KAZN: variants seen among roughly 807,000 people sequenced by gnomAD.
KAZN encodes kazrin, periplakin interacting protein, also known as kazrin.
KAZN carries 40 observed loss-of-function variants against 87.4 expected under a neutral mutation model. The ratio of observed to expected loss-of-function variants is 0.46; its 90% CI spans 0.36 to 0.60. The LOEUF (loss-of-function observed/expected upper bound fraction) is 0.60, where lower values mean the gene tolerates loss of function less well. KAZN is among the 20% of genes least tolerant of loss of function. The probability of loss-of-function intolerance (pLI) is 0.00; values close to 1 mark genes in which losing one functional copy is unlikely to be tolerated. For synonymous variants in KAZN, 466 were observed against 458.3 expected (o/e 1.02, Z -0.22); for missense variants, 898 against 1,073.9 (o/e 0.84, Z 2.29).
intron 1 of KAZN, among the ~76,000 whole-genome samples, chr1:14,138,619 A>C (rs1645161638): frequency 6.6e-6 from 1 of 152,162 alleles, no homozygotes; most frequent in Admixed American, 6.5e-5. Flanking sequence ...TCTGCTAGGA[A>C]TGCAGAAGTG....
intron 8 of KAZN, among the ~76,000 whole-genome samples, chr1:15,079,036 G>A (rs1214128212): frequency 2.0e-5 from 3 of 152,308 alleles, no homozygotes; most frequent in South Asian, 2.1e-4. Flanking sequence ...GAGGGAGATC[G>A]GAGGTGGGAC....
rs1051751480 is a variant in KAZN at position 14,456,418 on chromosome 1, GT to G, written c.250-142555del. Among the ~76,000 whole-genome samples, 30 of 149,000 alleles carry G rather than the reference GT, an allele frequency of 2.0e-4. 1 individual carries two copies. Among genetic ancestry groups the G allele is most frequent in the East Asian group, 5.9e-4 (3 of 5,094 alleles). On this transcript the variant is annotated intron_variant, in intron 2 of 16. Coordinates refer to the KAZN transcript ENST00000636203. ...TAGATATTCGAAAAATATTTGTTGA[GT>G]TTTTTTTTTATGTTGAAGCTTTTAT... is the stretch of plus-strand genomic sequence containing the variant.
chr1:14,877,185 A>G (rs984323114), intron 1 of KAZN, among the ~76,000 whole-genome samples: 5 of 151,744 alleles, frequency 3.3e-5, no homozygotes, highest in African/African-American at 1.2e-4. Context: ...TCTCACCACC[A>G]ATCTCGTGGC....
chr1:14,707,156 G>A (rs1642254063), intron 1 of KAZN, among the ~76,000 whole-genome samples: 1 of 152,196 alleles, frequency 6.6e-6, no homozygotes, highest in Non-Finnish European at 1.5e-5. Context: ...TGGATTTTCA[G>A]TACAACTGAG....
At chr1:14,838,767 G>A (rs1358448097) in intron 1 of KAZN, among the ~76,000 whole-genome samples, 5 of 152,066 alleles carry the variant, frequency 3.3e-5, no homozygotes, top group Non-Finnish European at 7.4e-5. Context: ...AATTACAGGC[G>A]CTTGCCACCA....
At position 14,806,977 on chromosome 1, in the gene KAZN, A is replaced by T. The variant is rs139296022; in HGVS notation, c.227-153707A>T. Reference sequence around the variant, plus strand: ...TGTCAGGACTCCCTTGCAGCTAGGGATCTGCATGGATCCAGGTTTGGCCAA... The same window carrying T: ...TGTCAGGACTCCCTTGCAGCTAGGGTTCTGCATGGATCCAGGTTTGGCCAA... On this transcript the variant is annotated intron_variant, in intron 1 of 14. Transcript: ENST00000376030. Among the ~76,000 whole-genome samples the T allele has an allele frequency of 3.3e-5, 5 of 152,288 alleles. No homozygotes were observed. The East Asian group carries it at 9.7e-4, about 29-fold the overall frequency.
intron 3 of KAZN, among the ~76,000 whole-genome samples, chr1:15,039,152 C>A (rs12139386): frequency 6.6e-6 from 1 of 152,016 alleles, no homozygotes; most frequent in South Asian, 2.1e-4. Context: ...GTGCACCTAC[C>A]GTGCACAGGC....
chr1:14,667,651 A>G (rs1196378057), intron 1 of KAZN, among the ~76,000 whole-genome samples: 1 of 152,150 alleles, frequency 6.6e-6, no homozygotes, highest in African/African-American at 2.4e-5. Flanking sequence ...TCTGGAACAA[A>G]CAGAGAATTT....
chr1:14,504,854 G>A (rs902924279), intron 2 of KAZN, among the ~76,000 whole-genome samples: 3 of 152,178 alleles, frequency 2.0e-5, no homozygotes, highest in Non-Finnish European at 4.4e-5. Flanking sequence ...AAGGTTTTAA[G>A]TTCTTCTTGT....
At chr1:14,143,007 G>C (rs1335045948) in intron 1 of KAZN, among the ~76,000 whole-genome samples, 1 of 152,044 alleles carries the variant, frequency 6.6e-6, no homozygotes, top group Non-Finnish European at 1.5e-5. Flanking sequence ...ATGAGCCAAA[G>C]TTTGCGGTAA....
intron 2 of KAZN, among the ~76,000 whole-genome samples, chr1:14,242,737 A>G (rs1284035254): frequency 6.6e-6 from 1 of 152,226 alleles, no homozygotes; most frequent in Non-Finnish European, 1.5e-5. Flanking sequence ...TTGCTAGTCC[A>G]CATTTTCCCC....
intron 2 of KAZN, among the ~76,000 whole-genome samples, chr1:14,317,983 T>C (rs547341558): frequency 5.3e-5 from 8 of 152,146 alleles, no homozygotes; most frequent in African/African-American, 1.7e-4. Context: ...TGTACCAATA[T>C]TAGAACCTTA....
intron 1 of KAZN, among the ~76,000 whole-genome samples, chr1:13,931,711 A>G (rs1315009823): frequency 6.6e-6 from 1 of 152,158 alleles, no homozygotes; most frequent in African/African-American, 2.4e-5. Context: ...CCCCTAGTAT[A>G]TTAATGTTAA....
At chr1:14,338,504 A>AG (rs902869689) in intron 2 of KAZN, among the ~76,000 whole-genome samples, 81 of 142,234 alleles carry the variant, frequency 5.7e-4, no homozygotes, top group East Asian at 5.1e-3. Flanking sequence ...AAAAAAAAAA[A>AG]AGAGAGAGAG....
At chr1:14,345,157 A>G (rs768757088) in intron 2 of KAZN, among the ~76,000 whole-genome samples, 1 of 152,082 alleles carries the variant, frequency 6.6e-6, no homozygotes, top group African/African-American at 2.4e-5. Flanking sequence ...ACTCCAGGTG[A>G]TCTGCCTGCC....
At chr1:14,719,640 A>G (rs1642989101) in intron 1 of KAZN, among the ~76,000 whole-genome samples, 1 of 152,216 alleles carries the variant, frequency 6.6e-6, no homozygotes, top group Non-Finnish European at 1.5e-5. Context: ...GGAGTTTGAG[A>G]CTAACCTGGC....
intron 1 of KAZN, among the ~76,000 whole-genome samples, chr1:14,129,192 A>C (rs1644937971): frequency 6.6e-6 from 1 of 152,090 alleles, no homozygotes; most frequent in Admixed American, 6.5e-5. Flanking sequence ...TTCACAGTTG[A>C]ATGGGTCTTT....
At chr1:14,485,620 C>T (rs763053159) in intron 2 of KAZN, among the ~76,000 whole-genome samples, 9 of 152,264 alleles carry the variant, frequency 5.9e-5, no homozygotes, top group Non-Finnish European at 1.0e-4. Flanking sequence ...TCTGGACCTG[C>T]GTGGTGGCTC....
chr1:13,894,210 C>T (rs369825369), intron 1 of KAZN, among the ~76,000 whole-genome samples: 5 of 152,172 alleles, frequency 3.3e-5, no homozygotes, highest in East Asian at 3.9e-4. Flanking sequence ...GAGTAACTTC[C>T]ATGCTTATAA....
Sources: gnomAD v4.1 joint callset for allele counts (sites outside exome capture counted in the v4.1 genomes callset) on GRCh38, gnomAD v4.1.1 for gene constraint, MANE v1.5 for transcripts, NCBI Gene and HGNC (gene_info 2026-07-23, HGNC 2026-07-21) for gene names.